FGD4: variants seen among roughly 807,000 people sequenced by gnomAD.
The protein encoded by FGD4 is FYVE, RhoGEF and PH domain containing 4.
Under a neutral mutation model 102.0 loss-of-function variants are expected in FGD4, and 42 were observed. The observed-to-expected ratio is 0.41, with a 90% CI of 0.32 to 0.53. FGD4 has a LOEUF of 0.53. Ranked by LOEUF, FGD4 falls within the 20% of genes least tolerant of loss-of-function variation. The probability of loss-of-function intolerance (pLI) is 0.21; values close to 1 mark genes in which losing one functional copy is unlikely to be tolerated. For missense variants in FGD4, 902 were observed against 1,078.2 expected, an observed-to-expected ratio of 0.84 and a Z score of 2.29; for synonymous variants, 380 against 375.7, an observed-to-expected ratio of 1.01 and a Z score of -0.13.
chr12:32,570,098 G>A (rs545479570), intron 2 of FGD4, among the ~76,000 whole-genome samples: 59 of 152,122 alleles, frequency 3.9e-4, no homozygotes, highest in African/African-American at 1.4e-3. Context: ...AAATTAGCCA[G>A]TCGTGGGTGG....
At chr12:32,400,582 C>G (rs996322104) in intron 1 of FGD4, among the ~76,000 whole-genome samples, 1 of 152,054 alleles carries the variant, frequency 6.6e-6, no homozygotes, top group African/African-American at 2.4e-5. Context: ...AAGAAGTCCT[C>G]AAGGTGATCT....
intron 14 of FGD4, among the ~76,000 whole-genome samples, chr12:32,631,267 C>G (rs1314529141): frequency 6.6e-6 from 1 of 152,112 alleles, no homozygotes; most frequent in Non-Finnish European, 1.5e-5. Context: ...GAGGCAGTGG[C>G]AGTTTTTGGA....
intron 1 of FGD4, among the ~76,000 whole-genome samples, chr12:32,422,299 T>C (rs1269581480): frequency 1.9e-5 from 2 of 106,456 alleles, no homozygotes; most frequent in Non-Finnish European, 3.9e-5. Context: ...TTTTTTTTTT[T>C]TTTTTTTTTT....
At chr12:32,498,359 G>A (rs961085259) in intron 1 of FGD4, among the ~76,000 whole-genome samples, 2 of 152,036 alleles carry the variant, frequency 1.3e-5, no homozygotes, top group Non-Finnish European at 2.9e-5. Flanking sequence ...TTGCAAAGTC[G>A]AGGGTTTGGT....
Position 32,602,261 on chromosome 12 carries a change from G to C in FGD4, c.1348G>C (p.Val450Leu). The C allele has an allele frequency of 6.2e-7, 1 of 1,614,136 alleles. No individual in the cohort carries two copies. The highest frequency in any genetic ancestry group is 1.1e-5 in the South Asian group (1 of 91,084). Residue 450 changes from valine to leucine, a missense_variant, in exon 7 of 17, where the codon GTT (valine) becomes CTT (leucine). Val to Leu is a conservative substitution (Grantham distance 32). Around this residue, in one of 2 missense-constraint regions of FGD4, gnomAD observed 459 missense variants for 619.0 expected, o/e 0.74. Transcript: ENST00000534526. ...AGGATTTGATAATGCAATGGAATTG[G>C]TTAAAAACATGACAGAACGTATTCC... ...VKGFDNAMEL[V>L]KNMTERIPQF...
At chr12:32,488,291 G>T (rs1490087937) in intron 1 of FGD4, among the ~76,000 whole-genome samples, 1 of 152,118 alleles carries the variant, frequency 6.6e-6, no homozygotes, top group Non-Finnish European at 1.5e-5. Context: ...CTTGTGGAAT[G>T]AATAGAACTG....
chr12:32,602,458 C>T, intron 7 of FGD4, 141 bp downstream of exon 7: 3 of 906,106 alleles, frequency 3.3e-6, no homozygotes, highest in Non-Finnish European at 3.5e-6. Flanking sequence ...TGCAGATCAT[C>T]TCTGCAATGC....
At chr12:32,549,097 A>G (rs1300427570) in intron 1 of FGD4, among the ~76,000 whole-genome samples, 1 of 152,242 alleles carries the variant, frequency 6.6e-6, no homozygotes, top group Non-Finnish European at 1.5e-5. Context: ...CCAGACAAAC[A>G]CTGAGTTCAG....
At chr12:32,422,305 T>G (rs1941665228) in intron 1 of FGD4, among the ~76,000 whole-genome samples, 1 of 114,648 alleles carries the variant, frequency 8.7e-6, no homozygotes, top group Non-Finnish European at 1.8e-5. Context: ...TTTTTTTTTT[T>G]TTTTTTTTTT....
intron 1 of FGD4, among the ~76,000 whole-genome samples, chr12:32,440,908 G>C (rs1393344210): frequency 6.6e-6 from 1 of 152,170 alleles, no homozygotes; most frequent in Non-Finnish European, 1.5e-5. Context: ...AGGCAGAAGA[G>C]CCTCATCCCA....
chr12:32,633,725 A>C, intron 15 of FGD4, 36 bp downstream of exon 15: 1 of 1,558,948 alleles, frequency 6.4e-7, no homozygotes, highest in East Asian at 2.3e-5. Flanking sequence ...CTTTTAGATT[A>C]TTTTTTTCCC....
chr12:32,498,901 G>A (rs976608376), intron 1 of FGD4, among the ~76,000 whole-genome samples: 1 of 152,130 alleles, frequency 6.6e-6, no homozygotes, highest in African/African-American at 2.4e-5. Flanking sequence ...ACACCCAACA[G>A]TTATTAGTTT....
rs746459196 is a variant in FGD4 at position 32,640,429 on chromosome 12, A to G, written c.2608A>G (p.Lys870Glu). The change falls in exon 17 of 17, where the codon AAA becomes GAA. Residue 870 changes from lysine to glutamate, a missense_variant. Lys to Glu is a moderately conservative substitution (Grantham distance 56). Coordinates refer to ENST00000534526, the MANE Select transcript of FGD4 (RefSeq NM_001370298.3). ...TGAGGAACTGAAGCAGAAGTGGCTG[A>G]AAGTCATCCTTTTAGCTGTCACAGG... is the stretch of plus-strand genomic sequence containing the variant. ...DSEELKQKWLKVILLAVTGET... is the reference protein window; with the variant it reads ...DSEELKQKWLEVILLAVTGET... 3.7e-5 allele frequency: 60 copies of G among 1,614,002 alleles called. No individual in the cohort carries two copies. Among genetic ancestry groups the G allele is most frequent in the Non-Finnish European group, 5.0e-5 (59 of 1,180,010 alleles).
At chr12:32,469,656 T>A (rs1943362518) in intron 1 of FGD4, among the ~76,000 whole-genome samples, 1 of 150,982 alleles carries the variant, frequency 6.6e-6, no homozygotes, top group African/African-American at 2.4e-5. Context: ...CAATTTTCTT[T>A]TTCTTCTTTG....
chr12:32,566,633 G>T (rs915578560), intron 2 of FGD4, among the ~76,000 whole-genome samples: 3 of 152,164 alleles, frequency 2.0e-5, no homozygotes, highest in Non-Finnish European at 4.4e-5. Context: ...ATTGTCAGAT[G>T]AGCTGCCACA....
intron 1 of FGD4, among the ~76,000 whole-genome samples, chr12:32,500,187 C>CA (rs1355530191): frequency 9.2e-5 from 14 of 152,006 alleles, no homozygotes; most frequent in African/African-American, 3.4e-4. Context: ...AGACCAAGGG[C>CA]AAAGAGCATA....
chr12:32,414,994 G>T (rs1941348231), intron 1 of FGD4, among the ~76,000 whole-genome samples: 1 of 151,756 alleles, frequency 6.6e-6, no homozygotes, highest in South Asian at 2.1e-4. Flanking sequence ...CATTATTATT[G>T]TTTCAATAAA....
intron 1 of FGD4, among the ~76,000 whole-genome samples, chr12:32,550,015 T>C (rs1442225814): frequency 6.6e-6 from 1 of 152,190 alleles, no homozygotes; most frequent in Non-Finnish European, 1.5e-5. Context: ...ATGCCTTTGC[T>C]TCCCAGCTGC....
chr12:32,529,160 G>C (rs548034772), intron 1 of FGD4, among the ~76,000 whole-genome samples: 1 of 152,034 alleles, frequency 6.6e-6, no homozygotes, highest in East Asian at 1.9e-4. Flanking sequence ...CTGTCCCCAG[G>C]CTGGAGTGCA....
Sources: gnomAD v4.1 joint callset for allele counts (sites outside exome capture counted in the v4.1 genomes callset) on GRCh38, gnomAD v4.1.1 for gene constraint, gnomAD v4.1.1 regional missense constraint, MANE v1.5 for transcripts, NCBI Gene and HGNC (gene_info 2026-07-23, HGNC 2026-07-21) for gene names.